Variants in ARHGEF18 observed in about 807,000 individuals in gnomAD.
ARHGEF18 encodes Rho/Rac guanine nucleotide exchange factor 18, also known as rho guanine nucleotide exchange factor 18.
ARHGEF18 carries 93 observed loss-of-function variants against 155.7 expected under a neutral mutation model. That is an observed-to-expected ratio of 0.60 (90% CI 0.50 to 0.71). ARHGEF18 has a LOEUF of 0.71. ARHGEF18 is among the 30% of genes least tolerant of loss of function. The pLI, the probability that ARHGEF18 is intolerant of heterozygous loss-of-function variation, is 0.00. For missense variants in ARHGEF18, 1,593 were observed against 1,816.1 expected, an observed-to-expected ratio of 0.88 and a Z score of 2.23; for synonymous variants, 742 against 753.1, an observed-to-expected ratio of 0.99 and a Z score of 0.24.
Position 7,462,823 on chromosome 19 carries a change from CT to C in ARHGEF18, c.2635+496del, listed in dbSNP as rs377056531. 7.8e-5 allele frequency among the ~76,000 whole-genome samples: 11 copies of C among 140,442 alleles called. No homozygotes were observed. The highest frequency in any genetic ancestry group is 3.0e-4 in the African/African-American group (11 of 36,968). 92.1% of individuals were successfully genotyped at this position (140,442 alleles called of 152,430 possible). ...GCAGTCAGCGCCCAGTCTGCTCTTTCTTTTTTTCTTTTCTTTTTTTTTTTTT... is the reference window on the plus strand; with the variant it reads ...GCAGTCAGCGCCCAGTCTGCTCTTTCTTTTTTCTTTTCTTTTTTTTTTTTT... On this transcript the variant is annotated intron_variant, in intron 21 of 28. Transcript: ENST00000668164. The surrounding 1 kb of genome is among the most constrained non-coding windows in gnomAD (Gnocchi z 4.4).
chr19:7,425,831 C>T (rs1477574595), intron 10 of ARHGEF18, among the ~76,000 whole-genome samples: 2 of 151,736 alleles, frequency 1.3e-5, no homozygotes, highest in Admixed American at 6.6e-5. Context: ...AACACCCTGT[C>T]TCTACAAAAA....
At chr19:7,383,442 C>T in intron 10 of ARHGEF18, 2 of 406,408 alleles carry the variant, frequency 4.9e-6, no homozygotes, top group Non-Finnish European at 8.6e-6. Flanking sequence ...GGGAATCCTC[C>T]TGCAGCATCT....
rs1600182443 is a variant in ARHGEF18 at position 7,362,034 on chromosome 19, G to GAA, written c.-110-747_-110-746insAA. Among the ~76,000 whole-genome samples the GAA allele has an allele frequency of 8.1e-5, 4 of 49,320 alleles. No individual in the cohort carries two copies. The East Asian group carries it at 2.1e-3, about 26-fold the overall frequency. The allele number at this position is 49,320 out of a possible 152,430, so 32.4% of individuals were successfully genotyped here. On this transcript the variant is annotated intron_variant, in intron 1 of 28. Transcript: ENST00000668164. The stretch of plus-strand genomic sequence containing the variant: ...AGAAGAAGGAGAAGGAGAAGGAGAA[G>GAA]GAGAAGGAGAAGGAGAAGGAGAAGG...
chr19:7,378,490 G>T (rs75444769), intron 6 of ARHGEF18, 39 bp downstream of exon 6: 42,763 of 1,232,320 alleles, frequency 0.035, 837 homozygotes, highest in Middle Eastern at 0.049. Flanking sequence ...GACCCCCAGG[G>T]AACAGGCCAC....
chr19:7,394,454 C>G (rs1205595692), intron 10 of ARHGEF18, among the ~76,000 whole-genome samples: 2 of 151,966 alleles, frequency 1.3e-5, no homozygotes, highest in South Asian at 2.1e-4. Context: ...TAGGTACTTC[C>G]AATCCTAACG....
Position 7,361,990 on chromosome 19 carries a change from T to TC in ARHGEF18, c.-110-791_-110-790insC, listed in dbSNP as rs1568264087. On this transcript the variant is annotated intron_variant, in intron 1 of 28. Coordinates refer to ENST00000668164, the MANE Select transcript of ARHGEF18 (RefSeq NM_001367823.1). The stretch of plus-strand genomic sequence containing the variant: ...TTGGGGGCAACAGAGCAAGACTCTG[T>TC]GGAAGAAGAAGAAGAAGAAGAAGAA... Among the ~76,000 whole-genome samples, 30 of 111,060 alleles carry TC rather than the reference T, an allele frequency of 2.7e-4. 6 individuals are homozygous for TC. Among genetic ancestry groups the TC allele is most frequent in the African/African-American group, 1.4e-3 (30 of 21,348 alleles). 72.9% of individuals were successfully genotyped at this position (111,060 alleles called of 152,430 possible).
rs369845262 is a variant in ARHGEF18 at position 7,367,882 on chromosome 19, A to T, written c.16-4930A>T. On this transcript the variant is annotated intron_variant, in intron 2 of 28. Coordinates refer to ENST00000668164, the MANE Select transcript of ARHGEF18 (RefSeq NM_001367823.1). The stretch of plus-strand genomic sequence containing the variant: ...CACATATATATTTTTATATATATAT[A>T]TTTTATATATATTTTTTATATATAT... Among the ~76,000 whole-genome samples, 61 of 39,786 alleles carry T rather than the reference A, an allele frequency of 1.5e-3. 10 individuals are homozygous for T. The highest frequency in any genetic ancestry group is 5.1e-3 in the East Asian group (6 of 1,182). The allele number at this position is 39,786 out of a possible 152,430, so 26.1% of individuals were successfully genotyped here.
chr19:7,395,116 G>A lies in ARHGEF18; in HGVS notation c.967+11913G>A, dbSNP rs552973905. On this transcript the variant is annotated intron_variant, in intron 10 of 28. Transcript: ENST00000668164. This position sits in a 1 kb window ranked among gnomAD's most constrained non-coding sequence, Gnocchi z 5.0. ...GGATCGCGCATGCGCTGCTCTCCTC[G>A]CGCGGCTTCCCGCTTCCGGCTCCCA... 1 of 985,502 alleles carries A rather than the reference G, an allele frequency of 1.0e-6. No homozygotes were observed. Among genetic ancestry groups the A allele is most frequent in the South Asian group, 4.7e-5 (1 of 21,292 alleles). The allele number at this position is 985,502 out of a possible 1,614,324, so 61.0% of individuals were successfully genotyped here. A position where few individuals can be genotyped will look rare whatever the true frequency, so the allele number is the denominator to read the frequency against.
intron 6 of ARHGEF18, 56 bp from the exon 7 acceptor site, chr19:7,379,066 G>C (rs1165361411): frequency 8.1e-7 from 1 of 1,228,094 alleles, no homozygotes; most frequent in Non-Finnish European, 1.0e-6. Context: ...CTAGGGGAGA[G>C]TGTCTGTAAC....
chr19:7,412,981 T>C (rs10420208), intron 10 of ARHGEF18, among the ~76,000 whole-genome samples: 21,693 of 152,042 alleles, frequency 0.14, 3,403 homozygotes, highest in African/African-American at 0.4. Context: ...CATCTGACAC[T>C]ATAGGATCTT....
chr19:7,469,868 A>G, intron 27 of ARHGEF18, 36 bp from the exon 28 acceptor site: 1 of 1,603,546 alleles, frequency 6.2e-7, no homozygotes. Flanking sequence ...ACAGCTGGCC[A>G]GCCTGGAGCT....
At chr19:7,362,029 G>GGAGA (rs1969591381) in intron 1 of ARHGEF18, among the ~76,000 whole-genome samples, 4 of 62,728 alleles carry the variant, frequency 6.4e-5, no homozygotes, top group South Asian at 6.1e-4. Flanking sequence ...GAAGGAGAAG[G>GGAGA]AGAAGGAGAA....
Position 7,372,880 on chromosome 19 carries a change from G to A in ARHGEF18, c.84G>A (p.Gln28=), listed in dbSNP as rs1311729481. ...TCAGCCTGGATTTGGGGGCCCTTCA[G>A]GGCAGCGAGTATCTGCAGGACCTGG... ...EDLSLDLGAL[Q]GSEYLQDLGL... Residue 28 remains glutamine, a synonymous_variant, in exon 3 of 29, where the codon CAG becomes CAA. Coordinates refer to ENST00000668164, the MANE Select transcript of ARHGEF18 (RefSeq NM_001367823.1). The A allele has an allele frequency of 6.5e-6, 8 of 1,234,430 alleles. 1 individual carries two copies. The Admixed American group carries it at 2.5e-4, about 39-fold the overall frequency. The allele number at this position is 1,234,430 out of a possible 1,614,324, so 76.5% of individuals were successfully genotyped here.
chr19:7,476,419 G>A (rs927669617), downstream of ARHGEF18, among the ~76,000 whole-genome samples: 1 of 152,222 alleles, frequency 6.6e-6, no homozygotes, highest in Non-Finnish European at 1.5e-5. Flanking sequence ...TCTGCCAGAG[G>A]CCACATGTGC....
downstream of ARHGEF18, among the ~76,000 whole-genome samples, chr19:7,475,910 G>A (rs146112309): frequency 1.5e-3 from 232 of 152,302 alleles, 1 homozygote; most frequent in African/African-American, 5.4e-3. Flanking sequence ...AAAGAAGGGG[G>A]AAACCCACCA....
At chr19:7,353,017 G>A (rs1447859044) in intron 1 of ARHGEF18, among the ~76,000 whole-genome samples, 1 of 150,434 alleles carries the variant, frequency 6.6e-6, no homozygotes, top group African/African-American at 2.4e-5. Flanking sequence ...TGTATTTTTA[G>A]TACAGACGGG....
At chr19:7,397,284 G>A (rs1971764733) in intron 10 of ARHGEF18, among the ~76,000 whole-genome samples, 1 of 150,848 alleles carries the variant, frequency 6.6e-6, no homozygotes, top group African/African-American at 2.4e-5. Context: ...TTTCTTTTTA[G>A]AGACAGGGTC....
chr19:7,467,181 G>C (rs200274612), intron 25 of ARHGEF18, 33 bp from the exon 26 acceptor site: 1 of 1,578,564 alleles, frequency 6.3e-7, no homozygotes, highest in Admixed American at 1.7e-5. Flanking sequence ...GCGCAGGTGC[G>C]GCTCTCACTC....
chr19:7,409,532 A>C (rs6603143), intron 10 of ARHGEF18, among the ~76,000 whole-genome samples: 85,558 of 148,606 alleles, frequency 0.58, 26,918 homozygotes, highest in Middle Eastern at 0.77. Context: ...AGTTCAAGCT[A>C]TTCTCCTGCC....
Sources: allele counts gnomAD v4.1 joint callset (sites outside exome capture counted in the v4.1 genomes callset), GRCh38; gene constraint gnomAD v4.1.1; non-coding constraint Gnocchi (gnomAD v3.1); transcripts MANE v1.5; gene names NCBI Gene and HGNC (gene_info 2026-07-23, HGNC 2026-07-21).